RPS6KC1: variants seen among roughly 807,000 people sequenced by gnomAD.
RPS6KC1 encodes the protein inactive ribosomal protein S6 kinase delta-1.
In RPS6KC1, 54 loss-of-function variants were observed where a neutral mutation model predicts 103.8. That is an observed-to-expected ratio of 0.52 (90% CI 0.42 to 0.65). The LOEUF (loss-of-function observed/expected upper bound fraction) is 0.65, where lower values mean the gene tolerates loss of function less well. Ranked by LOEUF, RPS6KC1 falls within the 30% of genes least tolerant of loss-of-function variation. The pLI, the probability that RPS6KC1 is intolerant of heterozygous loss-of-function variation, is 0.00. For missense variants in RPS6KC1, 1,151 were observed against 1,253.8 expected (o/e 0.92, Z 1.24); for synonymous variants, 439 against 438.7 (o/e 1.00, Z -0.01).
the RPS6KC1 span, among the ~76,000 whole-genome samples, chr1:213,592,490 G>T: frequency 6.6e-6 from 1 of 152,218 alleles, no homozygotes; most frequent in Admixed American, 6.5e-5. Flanking sequence ...AATGACTGGA[G>T]CTGAGTACTT....
intron 10 of RPS6KC1, among the ~76,000 whole-genome samples, chr1:213,234,724 T>C (rs2094185555): frequency 6.6e-6 from 1 of 152,254 alleles, no homozygotes; most frequent in South Asian, 2.1e-4. Context: ...TGGGAAACCA[T>C]TGGACTTCTT....
At chr1:213,679,334 T>C in the RPS6KC1 span, among the ~76,000 whole-genome samples, 1 of 152,220 alleles carries the variant, frequency 6.6e-6, no homozygotes, top group Non-Finnish European at 1.5e-5. Flanking sequence ...ACCACAGTTC[T>C]ACCTTGTTTA....
the RPS6KC1 span, among the ~76,000 whole-genome samples, chr1:213,496,408 A>G: frequency 1.3e-5 from 2 of 152,176 alleles, no homozygotes; most frequent in African/African-American, 2.4e-5. Flanking sequence ...AAACACAAAA[A>G]CAAATGATCT....
chr1:213,172,637 C>T (rs2091562097), intron 7 of RPS6KC1, among the ~76,000 whole-genome samples: 1 of 151,960 alleles, frequency 6.6e-6, no homozygotes, highest in African/African-American at 2.4e-5. Context: ...ACTAGTGTGC[C>T]AATTCTAATC....
the RPS6KC1 span, among the ~76,000 whole-genome samples, chr1:213,375,403 A>G: frequency 6.6e-6 from 1 of 152,210 alleles, no homozygotes; most frequent in Non-Finnish European, 1.5e-5. Context: ...AACCTCGTGC[A>G]AAGTGTGTAT....
intron 8 of RPS6KC1, among the ~76,000 whole-genome samples, chr1:213,200,823 A>T (rs1165508428): frequency 6.6e-6 from 1 of 152,194 alleles, no homozygotes; most frequent in African/African-American, 2.4e-5. Context: ...ATGAACAGAC[A>T]CTTTTTAAAA....
the RPS6KC1 span, among the ~76,000 whole-genome samples, chr1:213,623,908 C>T: frequency 6.6e-6 from 1 of 152,184 alleles, no homozygotes; most frequent in Non-Finnish European, 1.5e-5. Context: ...AGATGTCGCA[C>T]TGGGCAGTGA....
chr1:213,323,704 AT>A, the RPS6KC1 span, among the ~76,000 whole-genome samples: 5 of 151,182 alleles, frequency 3.3e-5, 1 homozygote, highest in South Asian at 4.2e-4. Flanking sequence ...TCAAGATTTT[AT>A]TTTTTTTTAG....
chr1:213,121,133 T>A (rs2148927537), intron 5 of RPS6KC1, among the ~76,000 whole-genome samples: 1 of 152,302 alleles, frequency 6.6e-6, no homozygotes, highest in African/African-American at 2.4e-5. Flanking sequence ...GGGGTCTCAC[T>A]GTGCTGCCCA....
chr1:213,677,789 C>T, the RPS6KC1 span, among the ~76,000 whole-genome samples: 5 of 152,036 alleles, frequency 3.3e-5, no homozygotes, highest in African/African-American at 7.2e-5. Flanking sequence ...GGGTGGATCA[C>T]GAGATCAGGA....
At chr1:213,796,727 T>A in the RPS6KC1 span, among the ~76,000 whole-genome samples, 1 of 152,198 alleles carries the variant, frequency 6.6e-6, no homozygotes, top group Non-Finnish European at 1.5e-5. Flanking sequence ...TCCTACTCGA[T>A]CTGCCAACAC....
At chr1:213,314,710 T>C in the RPS6KC1 span, among the ~76,000 whole-genome samples, 7 of 152,124 alleles carry the variant, frequency 4.6e-5, no homozygotes, top group East Asian at 1.4e-3. Context: ...TGAAAATACT[T>C]TGGGGGAAAT....
At chr1:213,170,263 C>A (rs562352349) in intron 7 of RPS6KC1, among the ~76,000 whole-genome samples, 1 of 152,234 alleles carries the variant, frequency 6.6e-6, no homozygotes, top group Admixed American at 6.5e-5. Flanking sequence ...TGTTGAGCCT[C>A]CTGTATAGTT....
chr1:213,066,504 A>C (rs1386424079), intron 1 of RPS6KC1, among the ~76,000 whole-genome samples: 2 of 152,224 alleles, frequency 1.3e-5, no homozygotes, highest in East Asian at 3.8e-4. Context: ...GTATACTTCA[A>C]CTTTGATTTT....
the RPS6KC1 span, among the ~76,000 whole-genome samples, chr1:213,631,009 C>A: frequency 2.0e-5 from 3 of 152,144 alleles, no homozygotes; most frequent in African/African-American, 7.2e-5. Flanking sequence ...ACCCTCTGAG[C>A]CAGGTGTGGG....
chr1:213,831,890 C>T, the RPS6KC1 span, among the ~76,000 whole-genome samples: 2 of 152,258 alleles, frequency 1.3e-5, no homozygotes, highest in South Asian at 4.1e-4. Flanking sequence ...TCAGCCCCTA[C>T]CTGGCTTCCT....
chr1:213,109,168 G>A (rs113143975), intron 4 of RPS6KC1, among the ~76,000 whole-genome samples: 13 of 151,920 alleles, frequency 8.6e-5, no homozygotes, highest in African/African-American at 3.1e-4. Flanking sequence ...ACGGGGTCTC[G>A]CTCTGTTGCC....
the RPS6KC1 span, among the ~76,000 whole-genome samples, chr1:213,325,299 G>A: frequency 2.6e-5 from 4 of 152,304 alleles, no homozygotes; most frequent in East Asian, 3.9e-4. Context: ...GTCTTGATTG[G>A]ATTGGCCAAA....
At chr1:213,528,585 C>A in the RPS6KC1 span, among the ~76,000 whole-genome samples, 1 of 152,114 alleles carries the variant, frequency 6.6e-6, no homozygotes, top group South Asian at 2.1e-4. Flanking sequence ...GAACACTGGC[C>A]CCAAATTGCA....
Sources: gnomAD v4.1 joint callset for allele counts (sites outside exome capture counted in the v4.1 genomes callset) on GRCh38, gnomAD v4.1.1 for gene constraint, MANE v1.5 for transcripts, NCBI Gene and HGNC (gene_info 2026-07-23, HGNC 2026-07-21) for gene names.